Variants in LINGO2 observed in about 807,000 individuals in gnomAD.
LINGO2 encodes the protein leucine-rich repeat and immunoglobulin-like domain-containing nogo receptor-interacting protein 2.
In LINGO2, 14 loss-of-function variants were observed where a neutral mutation model predicts 30.6. That is an observed-to-expected ratio of 0.46 (90% CI 0.30 to 0.72). LINGO2 has a LOEUF of 0.72. LINGO2 is among the 30% of genes least tolerant of loss of function. The probability of loss-of-function intolerance (pLI) is 0.07; values close to 1 mark genes in which losing one functional copy is unlikely to be tolerated. For synonymous variants in LINGO2, 317 were observed against 288.5 expected (o/e 1.10, Z -1.00); for missense variants, 729 against 751.7 (o/e 0.97, Z 0.35).
At chr9:28,632,066 C>T (rs936630488) in intron 1 of LINGO2, among the ~76,000 whole-genome samples, 1 of 152,064 alleles carries the variant, frequency 6.6e-6, no homozygotes, top group East Asian at 1.9e-4. Flanking sequence ...CAGAAAATGG[C>T]TATCTTTAGA....
chr9:29,061,241 A>G, the LINGO2 span, among the ~76,000 whole-genome samples: 1 of 152,038 alleles, frequency 6.6e-6, no homozygotes, highest in Non-Finnish European at 1.5e-5. Flanking sequence ...GAAACCGTTC[A>G]AAAACAAAAC....
intron 4 of LINGO2, among the ~76,000 whole-genome samples, chr9:28,053,198 C>G (rs1176414097): frequency 6.6e-6 from 1 of 151,976 alleles, no homozygotes; most frequent in Non-Finnish European, 1.5e-5. Flanking sequence ...TCTATACAGG[C>G]CATGTAGCAT....
chr9:28,573,450 T>C (rs73441483), intron 1 of LINGO2, among the ~76,000 whole-genome samples: 10 of 152,246 alleles, frequency 6.6e-5, no homozygotes, highest in African/African-American at 2.4e-4. Context: ...CAAAACTCCA[T>C]TCAACCACAC....
At chr9:28,605,227 C>T (rs549339821) in intron 1 of LINGO2, among the ~76,000 whole-genome samples, 19 of 152,126 alleles carry the variant, frequency 1.2e-4, no homozygotes, top group African/African-American at 4.3e-4. Context: ...ATTTGGCCTA[C>T]AACAGTTGAA....
the LINGO2 span, among the ~76,000 whole-genome samples, chr9:29,058,524 GA>G: frequency 6.6e-6 from 1 of 151,856 alleles, no homozygotes; most frequent in Non-Finnish European, 1.5e-5. Flanking sequence ...AAGAAGGGGT[GA>G]GGTGGTTAGA....
At chr9:28,716,991 T>G in the LINGO2 span, among the ~76,000 whole-genome samples, 1 of 152,020 alleles carries the variant, frequency 6.6e-6, no homozygotes, top group African/African-American at 2.4e-5. Flanking sequence ...GCTATACAAT[T>G]ATAGACAATA....
chr9:28,288,227 C>T (rs1245125134), intron 4 of LINGO2, among the ~76,000 whole-genome samples: 1 of 152,182 alleles, frequency 6.6e-6, no homozygotes, highest in Non-Finnish European at 1.5e-5. Flanking sequence ...CCAGCCACTT[C>T]TTGCATCTCT....
intron 1 of LINGO2, among the ~76,000 whole-genome samples, chr9:28,610,434 C>T (rs1170248443): frequency 6.6e-6 from 1 of 152,090 alleles, no homozygotes; most frequent in East Asian, 1.9e-4. Context: ...ACGTAATCCC[C>T]AATGTACTAA....
rs1379815490 is a variant in LINGO2 at position 28,317,475 on chromosome 9, A to C, written c.-245-22109T>G. Among the ~76,000 whole-genome samples the C allele has an allele frequency of 2.0e-5, 3 of 152,192 alleles. 1 individual carries two copies. Among genetic ancestry groups the C allele is most frequent in the Non-Finnish European group, 4.4e-5 (3 of 68,028 alleles). On this transcript the variant is annotated intron_variant, in intron 3 of 5. Transcript: ENST00000379992. ...AACTTTATTAGTAAAACCTTTCAGA[A>C]CTTTCAGATCATTATTGGAAGCAAA...
intron 1 of LINGO2, among the ~76,000 whole-genome samples, chr9:28,544,377 T>G (rs10968649): frequency 0.11 from 16,833 of 152,120 alleles, 1,284 homozygotes; most frequent in East Asian, 0.25. Flanking sequence ...GACAGCTCTC[T>G]TGACTTTCAC....
the LINGO2 span, among the ~76,000 whole-genome samples, chr9:29,145,477 T>G: frequency 6.6e-6 from 1 of 152,006 alleles, no homozygotes; most frequent in Non-Finnish European, 1.5e-5. Context: ...AATAACAGAA[T>G]TATAAGAGAA....
intron 4 of LINGO2, among the ~76,000 whole-genome samples, chr9:28,172,184 G>C (rs1315774049): frequency 6.6e-6 from 1 of 151,102 alleles, no homozygotes; most frequent in African/African-American, 2.4e-5. Flanking sequence ...GAGGTCAGGA[G>C]ATCGAGACCA....
chr9:28,621,553 T>G (rs10968684), intron 1 of LINGO2, among the ~76,000 whole-genome samples: 14,155 of 152,008 alleles, frequency 0.093, 871 homozygotes, highest in East Asian at 0.19. Flanking sequence ...ATAAATAGAA[T>G]ATACTCATAT....
chr9:28,714,169 A>C, the LINGO2 span, among the ~76,000 whole-genome samples: 1 of 84,184 alleles, frequency 1.2e-5, no homozygotes, highest in African/African-American at 7.5e-5. Context: ...CAAATAATAT[A>C]TATATATATA....
chr9:29,013,644 G>A, the LINGO2 span, among the ~76,000 whole-genome samples: 1 of 152,044 alleles, frequency 6.6e-6, no homozygotes, highest in East Asian at 1.9e-4. Flanking sequence ...TTGTAGTCTA[G>A]TAGTTGACAC....
intron 4 of LINGO2, among the ~76,000 whole-genome samples, chr9:28,089,987 A>G (rs1265283926): frequency 6.6e-6 from 1 of 152,212 alleles, no homozygotes; most frequent in Non-Finnish European, 1.5e-5. Context: ...ATTCCTGGAC[A>G]TATACACCTT....
the LINGO2 span, among the ~76,000 whole-genome samples, chr9:28,736,149 C>T: frequency 6.6e-6 from 1 of 152,166 alleles, no homozygotes; most frequent in Non-Finnish European, 1.5e-5. Context: ...TCTGTCAGGA[C>T]ATGCCCAGTA....
At chr9:28,687,353 T>C in the LINGO2 span, among the ~76,000 whole-genome samples, 2 of 152,108 alleles carry the variant, frequency 1.3e-5, no homozygotes, top group Non-Finnish European at 2.9e-5. Flanking sequence ...TCAGTATAGC[T>C]GAGATTGACT....
chr9:28,838,752 C>T, the LINGO2 span, among the ~76,000 whole-genome samples: 12 of 152,324 alleles, frequency 7.9e-5, no homozygotes, highest in Admixed American at 1.3e-4. Flanking sequence ...GTTTTGCTTG[C>T]GCCCACTGGC....
Sources: gnomAD v4.1 joint callset for allele counts (sites outside exome capture counted in the v4.1 genomes callset) on GRCh38, gnomAD v4.1.1 for gene constraint, MANE v1.5 for transcripts, NCBI Gene and HGNC (gene_info 2026-07-23, HGNC 2026-07-21) for gene names.